Variants in ZNF608 observed in about 807,000 individuals in gnomAD.
ZNF608 encodes the protein zinc finger protein 608, also known as renal carcinoma antigen NY-REN-36.
A neutral mutation model predicts 109.0 loss-of-function variants in ZNF608; 12 were observed. The observed-to-expected ratio is 0.11, with a 90% confidence interval of 0.07 to 0.18. The LOEUF is 0.18. Among genes scored for constraint, ZNF608 ranks in the 10% least tolerant of loss-of-function variants. The pLI is 1.00. For synonymous variants in ZNF608, 732 were observed against 717.4 expected (o/e 1.02, Z -0.33); for missense variants, 1,707 against 1,879.3 (o/e 0.91, Z 1.70).
chr5:124,681,410 T>G (rs1165914534), intron 3 of ZNF608, among the ~76,000 whole-genome samples: 2 of 152,136 alleles, frequency 1.3e-5, no homozygotes, highest in Non-Finnish European at 2.9e-5. Context: ...TGAGCTGAGA[T>G]TGTGCCACTG....
chr5:124,699,930 A>G lies in ZNF608; in HGVS notation c.1162+1084T>C, dbSNP rs572822796. ...CTTCTCCCTTTGAGTTTCGGCCCTC[A>G]GTTTTTCTCCCTTGATTCAGAGGAA... On this transcript the variant is annotated intron_variant, in intron 3 of 9. Transcript: ENST00000513986. Among the ~76,000 whole-genome samples the G allele has an allele frequency of 8.7e-4, 133 of 152,226 alleles. 2 individuals carry two copies. Among genetic ancestry groups the G allele is most frequent in the Admixed American group, 8.7e-3 (133 of 15,296 alleles).
chr5:124,741,125 C>A (rs1273821470), intron 2 of ZNF608, among the ~76,000 whole-genome samples: 1 of 152,098 alleles, frequency 6.6e-6, no homozygotes, highest in Non-Finnish European at 1.5e-5. Context: ...AAATATAGCT[C>A]AAACATCTTA....
At chr5:124,644,200 C>T (rs1351440172) in intron 6 of ZNF608, 44 bp downstream of exon 6, 1 of 1,497,596 alleles carries the variant, frequency 6.7e-7, no homozygotes, top group Non-Finnish European at 9.0e-7. Flanking sequence ...AATATTTGAA[C>T]ATCGCCTCTT....
At chr5:124,705,427 C>A (rs533250381) in intron 2 of ZNF608, among the ~76,000 whole-genome samples, 1 of 152,234 alleles carries the variant, frequency 6.6e-6, no homozygotes, top group East Asian at 1.9e-4. Context: ...ATAACAATTA[C>A]CCCCACAAGC....
intron 3 of ZNF608, among the ~76,000 whole-genome samples, chr5:124,655,779 T>C (rs1223934783): frequency 1.3e-5 from 2 of 152,260 alleles, no homozygotes; most frequent in Non-Finnish European, 2.9e-5. Flanking sequence ...CTCTGTGGTA[T>C]TCAATACTGG....
chr5:124,739,487 C>T (rs914767299), intron 2 of ZNF608, among the ~76,000 whole-genome samples: 4 of 152,182 alleles, frequency 2.6e-5, no homozygotes, highest in Non-Finnish European at 5.9e-5. Context: ...TCCTTGCCTC[C>T]AGGGGGAAAA....
chr5:124,685,914 T>C (rs2149831578), intron 3 of ZNF608, among the ~76,000 whole-genome samples: 1 of 152,340 alleles, frequency 6.6e-6, no homozygotes, highest in African/African-American at 2.4e-5. Flanking sequence ...TGATGCTAAA[T>C]CACAGCCTCA....
In ZNF608 at chr5:124,746,623, A is replaced by C. The variant is rs967739502; in HGVS notation, c.-612T>G. 1.0e-6 allele frequency: 1 copy of C among 985,322 alleles called. No homozygotes were observed. Among genetic ancestry groups the C allele is most frequent in the South Asian group, 4.7e-5 (1 of 21,290 alleles). 61.0% of individuals were successfully genotyped at this position (985,322 alleles called of 1,614,324 possible). A position where few individuals can be genotyped will look rare whatever the true frequency, so the allele number is the denominator to read the frequency against. On this transcript the variant is annotated 5_prime_UTR_variant, in exon 1 of 10. Coordinates refer to ENST00000513986, the MANE Select transcript of ZNF608 (RefSeq NM_020747.3). Reference sequence around the variant, plus strand: ...TAATGATCCCATGTAGCAAACCTACAGGCGTCCGCTAGTAACGAGACAGAA... The same window carrying C: ...TAATGATCCCATGTAGCAAACCTACCGGCGTCCGCTAGTAACGAGACAGAA...
chr5:124,698,909 C>T (rs1752945752), intron 3 of ZNF608, among the ~76,000 whole-genome samples: 2 of 152,154 alleles, frequency 1.3e-5, no homozygotes, highest in South Asian at 4.1e-4. Flanking sequence ...ATAACATCTA[C>T]CACCCAGTGA....
intron 2 of ZNF608, among the ~76,000 whole-genome samples, chr5:124,717,948 G>C (rs1319762202): frequency 6.6e-6 from 1 of 152,048 alleles, no homozygotes; most frequent in Non-Finnish European, 1.5e-5. Context: ...AATCCTTTTT[G>C]CTTTCTCTTG....
chr5:124,674,564 T>C (rs1751857596), intron 3 of ZNF608, among the ~76,000 whole-genome samples: 1 of 152,188 alleles, frequency 6.6e-6, no homozygotes, highest in Non-Finnish European at 1.5e-5. Context: ...ATTTGACCAT[T>C]AGGGCTGAGC....
At chr5:124,684,593 A>G (rs1752329819) in intron 3 of ZNF608, among the ~76,000 whole-genome samples, 1 of 152,238 alleles carries the variant, frequency 6.6e-6, no homozygotes, top group Non-Finnish European at 1.5e-5. Flanking sequence ...GAGAGGACGC[A>G]ACAGCAGGAA....
At chr5:124,676,087 AGAAGTCATACTT>A (rs1751935309) in intron 3 of ZNF608, among the ~76,000 whole-genome samples, 1 of 152,248 alleles carries the variant, frequency 6.6e-6, no homozygotes, top group African/African-American at 2.4e-5. Context: ...AGCCTGTCTC[AGAAGTCATACTT>A]GAAAAATGGT....
chr5:124,744,909 T>C lies in ZNF608; in HGVS notation c.81A>G (p.Glu27=), dbSNP rs770867478. Reference sequence around the variant, plus strand: ...CAATTATTAAATTTCCAACCCCGATTTCCCAATCATCGCCACTGTCATAAG... The same window carrying C: ...CAATTATTAAATTTCCAACCCCGATCTCCCAATCATCGCCACTGTCATAAG... ...VDTYDSGDDW[E]IGVGNLIIDL... is the part of the protein sequence containing the mutation. Residue 27 remains glutamate, a synonymous_variant, in exon 2 of 10, where the codon GAA becomes GAG. Transcript: ENST00000513986. This position sits in a 1 kb window ranked among gnomAD's most constrained non-coding sequence, Gnocchi z 4.5. 9 of 1,614,154 alleles carry C rather than the reference T, an allele frequency of 5.6e-6. No homozygotes were observed. In the South Asian group the frequency reaches 9.9e-5, roughly 18 times the overall value.
At chr5:124,695,453 T>G (rs1752808385) in intron 3 of ZNF608, among the ~76,000 whole-genome samples, 1 of 152,200 alleles carries the variant, frequency 6.6e-6, no homozygotes, top group Non-Finnish European at 1.5e-5. Flanking sequence ...TTCCATTACA[T>G]AGGATCATTT....
At chr5:124,738,861 C>T (rs945310794) in intron 2 of ZNF608, among the ~76,000 whole-genome samples, 9 of 152,214 alleles carry the variant, frequency 5.9e-5, no homozygotes, top group Non-Finnish European at 5.9e-5. Flanking sequence ...TCCCACACGT[C>T]ATTACCCAGG....
chr5:124,644,713 T>C, intron 5 of ZNF608, 52 bp from the exon 6 acceptor site: 2 of 1,470,334 alleles, frequency 1.4e-6, no homozygotes, highest in Non-Finnish European at 1.8e-6. Flanking sequence ...TTTTAAAATT[T>C]CAATTTTAAA....
At chr5:124,639,569 C>T (rs955252624) in intron 8 of ZNF608, among the ~76,000 whole-genome samples, 3 of 152,156 alleles carry the variant, frequency 2.0e-5, no homozygotes, top group Admixed American at 6.5e-5. Context: ...ATTACAGAAG[C>T]GGCATGCTAT....
chr5:124,687,159 T>C (rs1421488308), intron 3 of ZNF608, among the ~76,000 whole-genome samples: 1 of 152,230 alleles, frequency 6.6e-6, no homozygotes, highest in Non-Finnish European at 1.5e-5. Context: ...GAAAGACTAA[T>C]AATATTAGAT....
Sources: gnomAD v4.1 joint callset for allele counts (sites outside exome capture counted in the v4.1 genomes callset) on GRCh38, gnomAD v4.1.1 for gene constraint, Gnocchi (gnomAD v3.1) non-coding constraint, MANE v1.5 for transcripts, NCBI Gene and HGNC (gene_info 2026-07-23, HGNC 2026-07-21) for gene names.